Variants in CYP26C1 observed in about 807,000 individuals in gnomAD.
CYP26C1 encodes cytochrome P450 family 26 subfamily C member 1.
CYP26C1 carries 41 observed loss-of-function variants against 39.1 expected under a neutral mutation model. The ratio of observed to expected loss-of-function variants is 1.05; its 90% CI spans 0.82 to 1.36. The LOEUF (loss-of-function observed/expected upper bound fraction) is 1.36. CYP26C1 is among the 40% of genes most tolerant of loss of function. CYP26C1 has a pLI of 0.00. For synonymous variants in CYP26C1, 362 were observed against 350.8 expected (o/e 1.03, Z -0.36); for missense variants, 833 against 752.0 (o/e 1.11, Z -1.26).
Position 93,068,782 on chromosome 10 carries a change from C to A in CYP26C1, c.*85C>A. 1 of 1,436,784 alleles carries A rather than the reference C, an allele frequency of 7.0e-7. No individual in the cohort carries two copies. The highest frequency in any genetic ancestry group is 1.5e-5 in the South Asian group (1 of 64,580). The allele number at this position is 1,436,784 out of a possible 1,614,324, so 89.0% of individuals were successfully genotyped here. On this transcript the variant is annotated 3_prime_UTR_variant, in exon 6 of 6. Transcript: ENST00000651965. ...CATCTGCCGCTCCCCATTGTAGCGT[C>A]GCGCGCCCACTCTTTCACTCGTTCA...
intron 1 of CYP26C1, 95 bp downstream of exon 1, chr10:93,061,562 G>A: frequency 7.0e-7 from 1 of 1,431,920 alleles, no homozygotes; most frequent in Non-Finnish European, 9.5e-7. Context: ...GGGATTTGTA[G>A]CCAGTCCCTG....
chr10:93,061,035 G>A lies in CYP26C1; in HGVS notation c.-229G>A, dbSNP rs555976021. 3.9e-3 allele frequency: 2,090 copies of A among 529,300 alleles called. 6 individuals carry two copies. Among genetic ancestry groups the A allele is most frequent in the Admixed American group, 6.8e-3 (174 of 25,612 alleles). 32.8% of individuals were successfully genotyped at this position (529,300 alleles called of 1,614,324 possible). On this transcript the variant is annotated 5_prime_UTR_variant, in exon 1 of 6. Transcript: ENST00000651965. ...GCCAGGAAAAAGTCCTGAGCGTGCC[G>A]GCCTCGAGGAAGGCACGTTCCCTAA...
In CYP26C1 at chr10:93,062,869, C is replaced by T. The variant is rs767023614; in HGVS notation, c.579C>T (p.Ala193=). The T allele has an allele frequency of 1.9e-6, 3 of 1,603,040 alleles. No individual in the cohort carries two copies. Among genetic ancestry groups the T allele is most frequent in the Admixed American group, 3.3e-5 (2 of 59,766 alleles). The change falls in exon 3 of 6, where the codon GCC becomes GCT. Residue 193 remains alanine, a synonymous_variant. Transcript: ENST00000651965. ...DASKALTFRM[A]ARILLGLRLD... is the part of the protein sequence containing the mutation. ...CCAAAGCGCTCACCTTCCGCATGGC[C>T]GCGCGCATCCTGCTGGGGTTGCGGC...
rs1846739621 is a variant in CYP26C1 at position 93,061,089 on chromosome 10, G to A, written c.-175G>A. Reference sequence around the variant, plus strand: ...CGCACGGTCACTGCAGTCTTTCACCGTCCGTCTGTTTTTAGAACAGAGTTC... The same window carrying A: ...CGCACGGTCACTGCAGTCTTTCACCATCCGTCTGTTTTTAGAACAGAGTTC... On this transcript the variant is annotated 5_prime_UTR_variant, in exon 1 of 6. Coordinates refer to ENST00000651965, the MANE Select transcript of CYP26C1 (RefSeq NM_183374.3). The A allele has an allele frequency of 1.5e-6, 1 of 657,270 alleles. No homozygotes were observed. Among genetic ancestry groups the A allele is most frequent in the South Asian group, 2.1e-5 (1 of 48,562 alleles). 40.7% of individuals were successfully genotyped at this position (657,270 alleles called of 1,614,324 possible).
chr10:93,065,945 C>A lies in CYP26C1; in HGVS notation c.862-11C>A. 1 of 1,574,606 alleles carries A rather than the reference C, an allele frequency of 6.4e-7. No homozygotes were observed. The highest frequency in any genetic ancestry group is 1.8e-4 in the Middle Eastern group (1 of 5,512). ...GCCCGAGACTCAGTGCAGCCCGGGG[C>A]TGTCTTGCAGGAGTCGGCTGTGGAG... On this transcript the variant is annotated splice_polypyrimidine_tract_variant and intron_variant, in intron 4 of 5. Transcript: ENST00000651965.
intron 3 of CYP26C1, chr10:93,063,231 G>T: frequency 2.4e-6 from 3 of 1,246,364 alleles, no homozygotes; most frequent in Non-Finnish European, 3.0e-6. Flanking sequence ...TCCGTGGGAC[G>T]CGCCTGCCGC....
intron 3 of CYP26C1, chr10:93,063,706 G>C: frequency 1.0e-6 from 1 of 983,190 alleles, no homozygotes; most frequent in Non-Finnish European, 1.2e-6. Flanking sequence ...TCTAATCCTC[G>C]CAGCCTGCAA....
chr10:93,061,968 G>A, intron 1 of CYP26C1, 42 bp from the exon 2 acceptor site: 1 of 1,535,270 alleles, frequency 6.5e-7, no homozygotes, highest in South Asian at 1.2e-5. Context: ...TCCCAGCCCA[G>A]GCCCAGAAGT....
intron 4 of CYP26C1, 161 bp downstream of exon 4, chr10:93,064,697 T>A: frequency 2.2e-6 from 3 of 1,393,888 alleles, no homozygotes; most frequent in Non-Finnish European, 2.8e-6. Flanking sequence ...CAGTAATGAC[T>A]CAGCCACACT....
intron 2 of CYP26C1, 63 bp downstream of exon 2, chr10:93,062,297 G>C: frequency 6.9e-7 from 1 of 1,454,268 alleles, no homozygotes; most frequent in Non-Finnish European, 9.1e-7. Context: ...ATCTGCCATG[G>C]GCCAGGCCGG....
At position 93,066,179 on chromosome 10, in the gene CYP26C1, C is replaced by T; in HGVS notation, c.1085C>T (p.Ala362Val). ...TGCGAGCCCGACCTCAGCCTCGCGG[C>T]GCTGGGCCGTCTGCGCTACGTCGAC... ...CGCEPDLSLA[A>V]LGRLRYVDCV... Residue 362 changes from alanine to valine, a missense_variant, in exon 5 of 6, where the codon GCG (alanine) becomes GTG (valine). By Grantham distance (64) the Ala-to-Val change is moderately conservative. Coordinates refer to ENST00000651965, the MANE Select transcript of CYP26C1 (RefSeq NM_183374.3). The T allele has an allele frequency of 6.9e-7, 1 of 1,459,322 alleles. No homozygotes were observed. Among genetic ancestry groups the T allele is most frequent in the Non-Finnish European group, 9.0e-7 (1 of 1,107,084 alleles). The allele number at this position is 1,459,322 out of a possible 1,614,324, so 90.4% of individuals were successfully genotyped here.
chr10:93,061,564 C>T, intron 1 of CYP26C1, 97 bp downstream of exon 1: 8 of 1,430,832 alleles, frequency 5.6e-6, no homozygotes, highest in Non-Finnish European at 6.7e-6. Flanking sequence ...GATTTGTAGC[C>T]AGTCCCTGCC....
At chr10:93,065,690 C>T (rs1282288826) in intron 4 of CYP26C1, among the ~76,000 whole-genome samples, 3 of 152,254 alleles carry the variant, frequency 2.0e-5, no homozygotes, top group Non-Finnish European at 4.4e-5. Flanking sequence ...AGAGTAAGTT[C>T]CCGCATTCTC....
chr10:93,063,337 C>T, intron 3 of CYP26C1: 1 of 1,076,502 alleles, frequency 9.3e-7, no homozygotes, highest in Non-Finnish European at 1.1e-6. Flanking sequence ...CACAGCGGCG[C>T]CCCTGGGGCC....
chr10:93,068,834 A>G lies in CYP26C1; in HGVS notation c.*137A>G. ...CAATCTTTCAACAAATGTTCGCCAAACGCGGATGTGTGCCGGACTCGAGGA... is the reference window on the plus strand; with the variant it reads ...CAATCTTTCAACAAATGTTCGCCAAGCGCGGATGTGTGCCGGACTCGAGGA... On this transcript the variant is annotated 3_prime_UTR_variant, in exon 6 of 6. Transcript: ENST00000651965. The G allele has an allele frequency of 7.4e-7, 1 of 1,355,206 alleles. No individual in the cohort carries two copies. The highest frequency in any genetic ancestry group is 9.6e-7 in the Non-Finnish European group (1 of 1,040,770). 83.9% of individuals were successfully genotyped at this position (1,355,206 alleles called of 1,614,324 possible).
At position 93,066,015 on chromosome 10, in the gene CYP26C1, G is replaced by T; in HGVS notation, c.921G>T (p.Ser307=). 2 of 1,575,940 alleles carry T rather than the reference G, an allele frequency of 1.3e-6. No homozygotes were observed. The highest frequency in any genetic ancestry group is 1.1e-5 in the South Asian group (1 of 87,896). ...TCACCACGGCCAGTGCCAGCACCTCGCTCGTCCTGCTGCTACTGCAGCATC... is the reference window on the plus strand; with the variant it reads ...TCACCACGGCCAGTGCCAGCACCTCTCTCGTCCTGCTGCTACTGCAGCATC... The part of the protein sequence containing the change: ...AFFTTASAST[S]LVLLLLQHPA... Residue 307 remains serine (S), a synonymous_variant, in exon 5 of 6, where the codon TCG becomes TCT. Transcript: ENST00000651965.
At position 93,069,472 on chromosome 10, in the gene CYP26C1, T is replaced by C. The variant is rs1345474795; in HGVS notation, c.*775T>C. On this transcript the variant is annotated 3_prime_UTR_variant, in exon 6 of 6. Coordinates refer to ENST00000651965, the MANE Select transcript of CYP26C1 (RefSeq NM_183374.3). ...TTTTCATGGGAGGTTGAGACATAAT[T>C]AGAGAGGTTTGAGATATTTGTACCA... is the stretch of plus-strand genomic sequence containing the variant. The C allele has an allele frequency of 2.6e-5, 4 of 152,156 alleles. No homozygotes were observed. The highest frequency in any genetic ancestry group is 6.5e-5 in the Admixed American group (1 of 15,288). 9.4% of individuals were successfully genotyped at this position (152,156 alleles called of 1,614,324 possible). A position where few individuals can be genotyped will look rare whatever the true frequency, so the allele number is the denominator to read the frequency against.
In CYP26C1 at chr10:93,067,887, G is replaced by A. The variant is rs531646201; in HGVS notation, c.1192-433G>A. Among the ~76,000 whole-genome samples the A allele has an allele frequency of 1.6e-4, 25 of 152,282 alleles. No homozygotes were observed. In the East Asian group the frequency reaches 4.8e-3, roughly 29 times the overall value. On this transcript the variant is annotated intron_variant, in intron 5 of 5. Transcript: ENST00000651965. ...GCTCTACCATGGAACTGACCTCGAG[G>A]AATTGTCATGTGCATTTTTCCCACT...
Position 93,062,036 on chromosome 10 carries a change from A to T in CYP26C1, c.231A>T (p.Arg77=). 1 of 1,574,542 alleles carries T rather than the reference A, an allele frequency of 6.4e-7. No homozygotes were observed. The highest frequency in any genetic ancestry group is 8.6e-7 in the Non-Finnish European group (1 of 1,160,778). Reference sequence around the variant, plus strand: ...GCTCGCGCTTCCACAGTTCTCGCCGAGAGCGCTATGGGACAGTGTTCAAGA... The same window carrying T: ...GCTCGCGCTTCCACAGTTCTCGCCGTGAGCGCTATGGGACAGTGTTCAAGA... ...VQGSRFHSSR[R]ERYGTVFKTH... The change falls in exon 2 of 6, where the codon CGA becomes CGT. Residue 77 remains arginine, a synonymous_variant. Coordinates refer to ENST00000651965, the MANE Select transcript of CYP26C1 (RefSeq NM_183374.3).
Sources: gnomAD v4.1 joint callset for allele counts (sites outside exome capture counted in the v4.1 genomes callset) on GRCh38, gnomAD v4.1.1 for gene constraint, MANE v1.5 for transcripts, NCBI Gene and HGNC (gene_info 2026-07-23, HGNC 2026-07-21) for gene names.